The following STK3 variants were observed in gnomAD, a reference collection of about 807,000 sequenced individuals.
STK3 encodes the protein serine/threonine-protein kinase 3.
A neutral mutation model predicts 58.0 loss-of-function variants in STK3; 41 were observed. The ratio of observed to expected loss-of-function variants is 0.71; its 90% confidence interval spans 0.55 to 0.92. The LOEUF (loss-of-function observed/expected upper bound fraction) is 0.92, where lower values mean the gene tolerates loss of function less well. Ranked by LOEUF, STK3 falls within the 40% of genes least tolerant of loss-of-function variation. The probability of loss-of-function intolerance (pLI) is 0.00; values close to 1 mark genes in which losing one functional copy is unlikely to be tolerated. For missense variants in STK3, 479 were observed against 602.7 expected (o/e 0.79, Z 2.15); for synonymous variants, 170 against 191.0 (o/e 0.89, Z 0.91).
chr8:98,878,234 G>C (rs1196152819), intron 3 of STK3, among the ~76,000 whole-genome samples: 1 of 151,860 alleles, frequency 6.6e-6, no homozygotes, highest in African/African-American at 2.4e-5. Flanking sequence ...TGTATTTTTG[G>C]TAAAGACTGG....
At chr8:98,734,567 T>C (rs1828433008) in intron 4 of STK3, among the ~76,000 whole-genome samples, 1 of 152,192 alleles carries the variant, frequency 6.6e-6, no homozygotes, top group Admixed American at 6.6e-5. Context: ...TGTCAAGACA[T>C]AGCTTTACAA....
intron 10 of STK3, among the ~76,000 whole-genome samples, chr8:98,478,285 G>A (rs1453671324): frequency 2.6e-5 from 4 of 152,068 alleles, no homozygotes; most frequent in Non-Finnish European, 5.9e-5. Context: ...TTCTTAAGGC[G>A]CTGGTTTATA....
chr8:98,461,456 A>G (rs1200436637), intron 10 of STK3, among the ~76,000 whole-genome samples: 1 of 152,200 alleles, frequency 6.6e-6, no homozygotes, highest in Non-Finnish European at 1.5e-5. Flanking sequence ...GTATCTTTTA[A>G]GTGGAGCATT....
chr8:98,680,981 CTTTTT>C (rs371666746), intron 6 of STK3, among the ~76,000 whole-genome samples: 1 of 124,760 alleles, frequency 8.0e-6, no homozygotes, highest in African/African-American at 3.0e-5. Context: ...CCCCACCTTT[CTTTTT>C]TTTTTTTTTT....
intron 6 of STK3, among the ~76,000 whole-genome samples, chr8:98,611,073 G>A (rs945365794): frequency 6.6e-6 from 1 of 151,974 alleles, no homozygotes; most frequent in African/African-American, 2.4e-5. Context: ...CTGATACAAA[G>A]AACTGGGTTA....
At chr8:98,420,927 G>C (rs1818166340) in intron 3 of STK3, among the ~76,000 whole-genome samples, 1 of 152,212 alleles carries the variant, frequency 6.6e-6, no homozygotes, top group Non-Finnish European at 1.5e-5. Context: ...TAGGTTTCAA[G>C]ATGAGGAAAA....
chr8:98,764,574 G>C (rs1425335815), intron 3 of STK3, among the ~76,000 whole-genome samples: 1 of 152,180 alleles, frequency 6.6e-6, no homozygotes, highest in Non-Finnish European at 1.5e-5. Flanking sequence ...TGATGCCTTT[G>C]ATACACAGGA....
chr8:98,606,741 T>G (rs1816802471), intron 6 of STK3, among the ~76,000 whole-genome samples: 1 of 152,162 alleles, frequency 6.6e-6, no homozygotes, highest in African/African-American at 2.4e-5. Context: ...CAAAAGGAAG[T>G]CACACAGGCT....
the STK3 span, among the ~76,000 whole-genome samples, chr8:98,363,410 T>C: frequency 1.3e-5 from 2 of 152,008 alleles, no homozygotes; most frequent in Non-Finnish European, 2.9e-5. Flanking sequence ...GAAAGAGCAA[T>C]GGACAAGGAA....
In STK3 at chr8:98,858,319, TATATAG is replaced by T. The variant is rs1490286079; in HGVS notation, c.110+25322_110+25327del. Among the ~76,000 whole-genome samples the T allele has an allele frequency of 1.3e-3, 51 of 39,952 alleles. 1 individual carries two copies. Among genetic ancestry groups the T allele is most frequent in the African/African-American group, 3.8e-3 (40 of 10,500 alleles). The allele number at this position is 39,952 out of a possible 152,430, so 26.2% of individuals were successfully genotyped here. A position where few individuals can be genotyped will look rare whatever the true frequency, so the allele number is the denominator to read the frequency against. Reference sequence around the variant, plus strand: ...ATATATATATATATATATATATATATATATAGAGAGAGAGAGAGAGAGAGAGAGAGA... The same window carrying T: ...ATATATATATATATATATATATATATAGAGAGAGAGAGAGAGAGAGAGAGA... On this transcript the variant is annotated intron_variant, in intron 3 of 12. Transcript: ENST00000523601.
intron 1 of STK3, among the ~76,000 whole-genome samples, chr8:98,778,632 A>C (rs1028729720): frequency 2.6e-5 from 4 of 151,864 alleles, no homozygotes; most frequent in Admixed American, 1.3e-4. Context: ...AACCAACCCA[A>C]ATGTCCAACA....
At chr8:98,849,580 G>C (rs1180930528) in intron 3 of STK3, among the ~76,000 whole-genome samples, 1 of 152,160 alleles carries the variant, frequency 6.6e-6, no homozygotes, top group African/African-American at 2.4e-5. Context: ...AGATATAGAT[G>C]GATGCAAGGG....
intron 10 of STK3, among the ~76,000 whole-genome samples, chr8:98,517,512 A>T (rs2131435559): frequency 6.6e-6 from 1 of 152,228 alleles, no homozygotes; most frequent in Admixed American, 6.5e-5. Context: ...TGGAAGATAG[A>T]CATGAGAAGT....
intron 10 of STK3, among the ~76,000 whole-genome samples, chr8:98,459,649 C>G (rs1819788195): frequency 6.6e-6 from 1 of 152,222 alleles, no homozygotes; most frequent in South Asian, 2.1e-4. Context: ...GGGCCAGGCC[C>G]AGGGGCCCTG....
chr8:98,455,868 T>C lies in STK3; in HGVS notation c.1450A>G (p.Lys484Glu). The C allele has an allele frequency of 6.2e-7, 1 of 1,613,792 alleles. No individual in the cohort carries two copies. The highest frequency in any genetic ancestry group is 8.5e-7 in the Non-Finnish European group (1 of 1,179,824). Residue 484 changes from lysine to glutamate, a missense_variant, in exon 11 of 11, where the codon AAG becomes GAG. Physicochemically the swap from Lys to Glu is moderately conservative, Grantham distance 56. Around this residue, in one of 3 missense-constraint regions of STK3, gnomAD observed 309 missense variants for 355.7 expected, o/e 0.87. Coordinates refer to ENST00000419617, the MANE Select transcript of STK3 (RefSeq NM_006281.4). ...CAAAAGTTTTGCTGCCTTCTTTTCT[T>C]TGCATCCATCGCATCCAGAATGGGC... is the stretch of plus-strand genomic sequence containing the variant. ...RQPILDAMDA[K>E]KRRQQNF
At chr8:98,476,386 T>C (rs1414869301) in intron 10 of STK3, among the ~76,000 whole-genome samples, 1 of 152,140 alleles carries the variant, frequency 6.6e-6, no homozygotes, top group Non-Finnish European at 1.5e-5. Context: ...CTAATTAGAA[T>C]TACAAAGGAC....
chr8:98,372,208 G>A (rs968256533), intron 2 of STK3, among the ~76,000 whole-genome samples: 2 of 152,208 alleles, frequency 1.3e-5, no homozygotes, highest in Non-Finnish European at 2.9e-5. Context: ...ATGGCTTGCT[G>A]ACACCTTCAT....
intron 1 of STK3, among the ~76,000 whole-genome samples, chr8:98,913,664 G>A (rs1342152705): frequency 2.0e-5 from 3 of 151,870 alleles, no homozygotes; most frequent in Non-Finnish European, 4.4e-5. Context: ...CACCACATGT[G>A]CCCACTCAGG....
At chr8:98,396,445 G>A (rs1817897811), downstream of STK3, among the ~76,000 whole-genome samples, 1 of 152,200 alleles carries the variant, frequency 6.6e-6, no homozygotes, top group African/African-American at 2.4e-5. Context: ...GTTGGCATCT[G>A]GACTCATGGT....
Sources: allele counts gnomAD v4.1 joint callset (sites outside exome capture counted in the v4.1 genomes callset), GRCh38; gene constraint gnomAD v4.1.1; regional missense constraint gnomAD v4.1.1; transcripts MANE v1.5; gene names NCBI Gene and HGNC (gene_info 2026-07-23, HGNC 2026-07-21).